The following TBC1D4 variants were observed in gnomAD, a reference collection of about 807,000 sequenced individuals.
TBC1D4 encodes the protein TBC (Tre-2, BUB2, CDC16) domain-containing protein.
TBC1D4 carries 121 observed loss-of-function variants against 142.5 expected under a neutral mutation model. The observed-to-expected ratio is 0.85, with a 90% confidence interval of 0.73 to 0.99. The LOEUF is 0.99. TBC1D4 is among the 50% of genes least tolerant of loss of function. The probability of loss-of-function intolerance (pLI) is 0.00; values close to 1 mark genes in which losing one functional copy is unlikely to be tolerated. For missense variants in TBC1D4, 1,475 were observed against 1,606.6 expected, an observed-to-expected ratio of 0.92 and a Z score of 1.40; for synonymous variants, 630 against 628.2, an observed-to-expected ratio of 1.00 and a Z score of -0.04.
chr13:75,421,778 C>G (rs1221673323), intron 1 of TBC1D4, among the ~76,000 whole-genome samples: 2 of 152,182 alleles, frequency 1.3e-5, no homozygotes, highest in Non-Finnish European at 2.9e-5. Flanking sequence ...TGACAACTTT[C>G]TTAACAAAAG....
intron 1 of TBC1D4, among the ~76,000 whole-genome samples, chr13:75,467,675 A>C (rs1888221460): frequency 6.6e-6 from 1 of 152,194 alleles, no homozygotes; most frequent in African/African-American, 2.4e-5. Context: ...AAATAAAGTT[A>C]TCTTTCCTTG....
intron 1 of TBC1D4, among the ~76,000 whole-genome samples, chr13:75,418,110 T>C (rs1211369117): frequency 1.3e-5 from 2 of 152,230 alleles, no homozygotes; most frequent in African/African-American, 4.8e-5. Flanking sequence ...CCTGAGATCA[T>C]AAAATGTTAG....
chr13:75,327,028 T>A (rs1054199891), intron 9 of TBC1D4, among the ~76,000 whole-genome samples: 2 of 152,136 alleles, frequency 1.3e-5, no homozygotes, highest in African/African-American at 4.8e-5. Context: ...TTAAAACACA[T>A]GAAAAACAGG....
At chr13:75,452,099 C>CT (rs904244571) in intron 1 of TBC1D4, among the ~76,000 whole-genome samples, 120 of 151,018 alleles carry the variant, frequency 7.9e-4, no homozygotes, top group African/African-American at 2.7e-3. Flanking sequence ...TAAGTTTTGA[C>CT]TTTTTTTTTG....
intron 15 of TBC1D4, among the ~76,000 whole-genome samples, chr13:75,305,045 TG>T (rs1877027664): frequency 6.6e-6 from 1 of 152,146 alleles, no homozygotes; most frequent in African/African-American, 2.4e-5. Context: ...GGGACATAAT[TG>T]AATCATGGGG....
chr13:75,431,194 A>T (rs1286988224), intron 1 of TBC1D4, among the ~76,000 whole-genome samples: 2 of 152,196 alleles, frequency 1.3e-5, no homozygotes, highest in African/African-American at 2.4e-5. Flanking sequence ...TGATATAAAG[A>T]AGCTAGTAAT....
rs760528845 is a variant in TBC1D4 at position 75,356,155 on chromosome 13, C to G, written c.1267G>C (p.Glu423Gln). 6.2e-7 allele frequency: 1 copy of G among 1,612,926 alleles called. No homozygotes were observed. Among genetic ancestry groups the G allele is most frequent in the Non-Finnish European group, 8.5e-7 (1 of 1,179,242 alleles). ...YICYVFQCAS[E>Q]SLVDEVMLTL... is the part of the protein sequence containing the mutation. The stretch of plus-strand genomic sequence containing the variant: ...GCAATAACACTACTTACCAGAGATT[C>G]GCTGGCACACTGGAATACATAACAA... The change falls in exon 4 of 21, where the codon GAA becomes CAA. Residue 423 changes from glutamate (E) to glutamine (Q), a missense_variant. Transcript: ENST00000377636.
rs372338013 is a variant in TBC1D4 at position 75,397,335 on chromosome 13, T to C, written c.499-34728A>G. The stretch of plus-strand genomic sequence containing the variant: ...TAAATTAACTATGAACACATCACGA[T>C]GTGATGATATCAATTTAAACAACAC... On this transcript the variant is annotated intron_variant, in intron 1 of 20. Transcript: ENST00000377636. Among the ~76,000 whole-genome samples, 8 of 152,128 alleles carry C rather than the reference T, an allele frequency of 5.3e-5. No individual in the cohort carries two copies. The South Asian group carries it at 1.0e-3, about 20-fold the overall frequency.
At chr13:75,467,590 G>C (rs1011753231) in intron 1 of TBC1D4, among the ~76,000 whole-genome samples, 2 of 152,220 alleles carry the variant, frequency 1.3e-5, no homozygotes, top group South Asian at 2.1e-4. Context: ...AGGCCCTTTT[G>C]AGGAAGGAGG....
intron 1 of TBC1D4, among the ~76,000 whole-genome samples, chr13:75,440,970 AG>A (rs1169885350): frequency 6.6e-6 from 1 of 152,114 alleles, no homozygotes; most frequent in Non-Finnish European, 1.5e-5. Context: ...TTTAAAAAAG[AG>A]GACAGGCCAG....
rs571891942 is a variant in TBC1D4, at chr13:75,428,328, A to G, written c.498+52942T>C. Among the ~76,000 whole-genome samples the G allele has an allele frequency of 2.0e-5, 3 of 152,282 alleles. No homozygotes were observed. The South Asian group carries it at 6.2e-4, about 32-fold the overall frequency. ...AGGTGAACTACCAAATAAGATTTTA[A>G]AGGAAAAAAACCTGAAAATTTACCT... is the stretch of plus-strand genomic sequence containing the variant. On this transcript the variant is annotated intron_variant, in intron 1 of 20. Coordinates refer to ENST00000377636, the MANE Select transcript of TBC1D4 (RefSeq NM_014832.5).
chr13:75,432,135 G>A (rs1046830465), intron 1 of TBC1D4, among the ~76,000 whole-genome samples: 1 of 152,114 alleles, frequency 6.6e-6, no homozygotes, highest in African/African-American at 2.4e-5. Context: ...CCAGAAGTAG[G>A]CAGTGTGGAG....
intron 1 of TBC1D4, among the ~76,000 whole-genome samples, chr13:75,479,093 T>C (rs1024260343): frequency 5.9e-5 from 9 of 152,212 alleles, no homozygotes; most frequent in Admixed American, 2.6e-4. Flanking sequence ...TGGAGCTAAG[T>C]AGCACCTTGA....
At chr13:75,325,139 AG>A (rs1333851843) in intron 10 of TBC1D4, among the ~76,000 whole-genome samples, 1 of 152,166 alleles carries the variant, frequency 6.6e-6, no homozygotes, top group Non-Finnish European at 1.5e-5. Context: ...GGAAAAAAAA[AG>A]AGTTCTATTG....
chr13:75,468,918 G>C (rs1010713215), intron 1 of TBC1D4, among the ~76,000 whole-genome samples: 6 of 152,290 alleles, frequency 3.9e-5, no homozygotes, highest in African/African-American at 1.4e-4. Context: ...TTCCAGAGGT[G>C]GTGACAGTGC....
chr13:75,292,062 A>C, intron 19 of TBC1D4, 40 bp downstream of exon 19: 1 of 1,538,302 alleles, frequency 6.5e-7, no homozygotes, highest in Non-Finnish European at 8.9e-7. Context: ...TATTCAGTAG[A>C]GAAAACTGCT....
chr13:75,346,157 GTT>G (rs1024602700), intron 5 of TBC1D4, among the ~76,000 whole-genome samples: 12 of 152,148 alleles, frequency 7.9e-5, no homozygotes, highest in Non-Finnish European at 1.5e-4. Flanking sequence ...GTAGATCAAA[GTT>G]TTGTTTTTTT....
At chr13:75,462,347 C>T (rs927487286) in intron 1 of TBC1D4, among the ~76,000 whole-genome samples, 2 of 152,042 alleles carry the variant, frequency 1.3e-5, no homozygotes, top group Non-Finnish European at 2.9e-5. Context: ...AGGGTAACTA[C>T]CAAATTGTAC....
intron 1 of TBC1D4, among the ~76,000 whole-genome samples, chr13:75,423,418 G>T (rs1886247553): frequency 6.6e-6 from 1 of 152,092 alleles, no homozygotes; most frequent in African/African-American, 2.4e-5. Context: ...ACAACAGATG[G>T]TTTGTTAGGG....
Sources: gnomAD v4.1 joint callset for allele counts (sites outside exome capture counted in the v4.1 genomes callset) on GRCh38, gnomAD v4.1.1 for gene constraint, MANE v1.5 for transcripts, NCBI Gene and HGNC (gene_info 2026-07-23, HGNC 2026-07-21) for gene names.